Variants in SCFD2 observed in about 807,000 individuals in gnomAD.
SCFD2 encodes the protein sec1 family domain-containing protein 2.
In SCFD2, 54 loss-of-function variants were observed where a neutral mutation model predicts 58.9. That is an observed-to-expected ratio of 0.92 (90% CI 0.74 to 1.15). The LOEUF (loss-of-function observed/expected upper bound fraction) is 1.15. SCFD2 is among the 50% of genes most tolerant of loss of function. The pLI is 0.00. For synonymous variants in SCFD2, 321 were observed against 335.9 expected (o/e 0.96, Z 0.49); for missense variants, 805 against 836.6 (o/e 0.96, Z 0.47).
At chr4:53,251,938 C>G (rs1474059909) in intron 4 of SCFD2, among the ~76,000 whole-genome samples, 2 of 152,106 alleles carry the variant, frequency 1.3e-5, no homozygotes, top group South Asian at 2.1e-4. Context: ...AAGAGGAAGT[C>G]AAATTGTCCC....
At chr4:53,121,380 A>G (rs1209845920) in intron 5 of SCFD2, among the ~76,000 whole-genome samples, 1 of 152,204 alleles carries the variant, frequency 6.6e-6, no homozygotes, top group African/African-American at 2.4e-5. Flanking sequence ...AAAGAAACAC[A>G]CAAACAAAAT....
intron 4 of SCFD2, among the ~76,000 whole-genome samples, chr4:53,259,425 TC>T (rs1394144512): frequency 6.6e-6 from 1 of 152,180 alleles, no homozygotes; most frequent in Non-Finnish European, 1.5e-5. Context: ...CCAGTTTCAT[TC>T]TTTTACCTGT....
chr4:53,303,758 A>G (rs1732416059), intron 3 of SCFD2, among the ~76,000 whole-genome samples: 1 of 151,956 alleles, frequency 6.6e-6, no homozygotes, highest in Non-Finnish European at 1.5e-5. Context: ...TACACCATGG[A>G]ATACTATGCA....
chr4:53,277,703 A>T (rs1169882572), intron 3 of SCFD2, among the ~76,000 whole-genome samples: 8 of 152,218 alleles, frequency 5.3e-5, no homozygotes. Flanking sequence ...GGATCTGCTC[A>T]GATTTCTATT....
intron 5 of SCFD2, among the ~76,000 whole-genome samples, chr4:52,927,199 T>C (rs1353611012): frequency 2.6e-5 from 4 of 152,204 alleles, no homozygotes; most frequent in African/African-American, 9.7e-5. Flanking sequence ...TCTAAATTAT[T>C]CTATCCACAC....
At chr4:53,066,768 G>T (rs1041477584) in intron 5 of SCFD2, among the ~76,000 whole-genome samples, 2 of 151,938 alleles carry the variant, frequency 1.3e-5, no homozygotes, top group Admixed American at 1.3e-4. Context: ...TATTTCCCTG[G>T]GGATGTCTTT....
chr4:53,141,446 G>A (rs1313339376), intron 5 of SCFD2, among the ~76,000 whole-genome samples: 2 of 151,812 alleles, frequency 1.3e-5, no homozygotes, highest in Non-Finnish European at 2.9e-5. Flanking sequence ...GCTGAGACAG[G>A]AAAAAAACAA....
intron 5 of SCFD2, among the ~76,000 whole-genome samples, chr4:52,995,435 G>A (rs1327184072): frequency 6.6e-6 from 1 of 152,170 alleles, no homozygotes; most frequent in African/African-American, 2.4e-5. Context: ...TCAGTCCGTG[G>A]CCCAGGAATT....
At chr4:53,273,629 A>G in intron 4 of SCFD2, 197 bp downstream of exon 4, 2 of 477,902 alleles carry the variant, frequency 4.2e-6, no homozygotes, top group Non-Finnish European at 7.3e-6. Context: ...CAAAGATGTT[A>G]CTGTCAAAAT....
At chr4:52,933,497 A>G (rs1720052245) in intron 5 of SCFD2, among the ~76,000 whole-genome samples, 1 of 152,190 alleles carries the variant, frequency 6.6e-6, no homozygotes, top group South Asian at 2.1e-4. Flanking sequence ...AGCTGTTTTC[A>G]TAGTTACTAT....
chr4:53,343,529 G>A (rs1445345769), intron 2 of SCFD2, among the ~76,000 whole-genome samples: 5 of 152,198 alleles, frequency 3.3e-5, no homozygotes, highest in Admixed American at 2.6e-4. Flanking sequence ...GAGGTACAAG[G>A]AGGAGCTGGT....
chr4:53,264,275 C>A (rs1356152281), intron 4 of SCFD2, among the ~76,000 whole-genome samples: 1 of 152,148 alleles, frequency 6.6e-6, no homozygotes, highest in Non-Finnish European at 1.5e-5. Flanking sequence ...CTCAGGGAGC[C>A]TGCAGTAGTG....
intron 4 of SCFD2, among the ~76,000 whole-genome samples, chr4:53,152,878 C>A (rs1489693885): frequency 1.3e-5 from 2 of 152,200 alleles, no homozygotes; most frequent in African/African-American, 4.8e-5. Context: ...TAAAACCCAG[C>A]AGGGCAGACA....
At chr4:52,949,999 T>C (rs1011222463) in intron 5 of SCFD2, 17 of 152,286 alleles carry the variant, frequency 1.1e-4, no homozygotes, top group African/African-American at 3.9e-4. Flanking sequence ...GGTGGACCGA[T>C]GGCACCAACA....
intron 5 of SCFD2, among the ~76,000 whole-genome samples, chr4:53,059,811 T>C (rs1192522379): frequency 6.6e-6 from 1 of 152,134 alleles, no homozygotes; most frequent in Non-Finnish European, 1.5e-5. Context: ...TTAAAAGCAT[T>C]AACCAAGTAC....
chr4:53,158,242 A>G (rs1471941297), intron 4 of SCFD2, among the ~76,000 whole-genome samples: 1 of 152,190 alleles, frequency 6.6e-6, no homozygotes, highest in Non-Finnish European at 1.5e-5. Flanking sequence ...TCGAGTCCCT[A>G]TATCACTTCT....
At chr4:52,888,463 C>A (rs1488755792) in intron 7 of SCFD2, among the ~76,000 whole-genome samples, 1 of 152,210 alleles carries the variant, frequency 6.6e-6, no homozygotes, top group African/African-American at 2.4e-5. Flanking sequence ...CTGCTTTCTT[C>A]CAATCTGCAT....
intron 1 of SCFD2, among the ~76,000 whole-genome samples, chr4:53,353,092 A>T (rs1362521498): frequency 1.3e-5 from 2 of 152,108 alleles, no homozygotes; most frequent in Non-Finnish European, 2.9e-5. Context: ...CTCAACGGTG[A>T]GTGTTACAGT....
At chr4:53,071,725 C>T (rs1723820058) in intron 5 of SCFD2, among the ~76,000 whole-genome samples, 1 of 151,880 alleles carries the variant, frequency 6.6e-6, no homozygotes. Flanking sequence ...AGGTATCCTC[C>T]AGTTTTGTAA....
Sources: gnomAD v4.1 joint callset for allele counts (sites outside exome capture counted in the v4.1 genomes callset) on GRCh38, gnomAD v4.1.1 for gene constraint, MANE v1.5 for transcripts, NCBI Gene and HGNC (gene_info 2026-07-23, HGNC 2026-07-21) for gene names.